Variants in STPG2 observed in about 807,000 individuals in gnomAD.
The protein encoded by STPG2 is sperm-tail PG-rich repeat-containing protein 2.
A neutral mutation model predicts 54.2 loss-of-function variants in STPG2; 56 were observed. The observed-to-expected ratio is 1.03, with a 90% confidence interval of 0.83 to 1.29. The LOEUF is 1.29. Among genes scored for constraint, STPG2 ranks in the 50% most tolerant of loss-of-function variants. The pLI, the probability that STPG2 is intolerant of heterozygous loss-of-function variation, is 0.00. For missense variants in STPG2, 596 were observed against 544.9 expected (o/e 1.09, Z -0.93); for synonymous variants, 200 against 181.8 (o/e 1.10, Z -0.81).
intron 8 of STPG2, among the ~76,000 whole-genome samples, chr4:97,942,122 T>A: frequency 6.6e-6 from 1 of 150,384 alleles, no homozygotes; most frequent in Middle Eastern, 3.6e-3. Flanking sequence ...AGATACGTTT[T>A]AAATATATAT....
At chr4:98,018,490 G>A (rs916823764) in intron 5 of STPG2, among the ~76,000 whole-genome samples, 9 of 152,192 alleles carry the variant, frequency 5.9e-5, no homozygotes, top group African/African-American at 2.2e-4. Flanking sequence ...GTGTGCATGT[G>A]TCTTTATAGC....
chr4:97,972,218 A>T (rs1734351061), intron 7 of STPG2, 62 bp downstream of exon 7: 1 of 1,133,496 alleles, frequency 8.8e-7, no homozygotes, highest in Non-Finnish European at 1.2e-6. Context: ...ATGTAATTTC[A>T]AGAGAACCCT....
At chr4:98,002,984 T>C (rs947424449) in intron 5 of STPG2, among the ~76,000 whole-genome samples, 3 of 152,148 alleles carry the variant, frequency 2.0e-5, no homozygotes, top group Non-Finnish European at 4.4e-5. Flanking sequence ...CCAAGGCAGC[T>C]ATATGCAACT....
chr4:98,075,045 G>A (rs1738118972), intron 5 of STPG2, among the ~76,000 whole-genome samples: 2 of 152,178 alleles, frequency 1.3e-5, no homozygotes, highest in South Asian at 4.1e-4. Context: ...ATCAGGGATT[G>A]AGAAATTTTG....
intron 5 of STPG2, among the ~76,000 whole-genome samples, chr4:98,052,092 A>G (rs1737342543): frequency 6.7e-6 from 1 of 150,012 alleles, no homozygotes; most frequent in Non-Finnish European, 1.5e-5. Flanking sequence ...TGTCTCAAAA[A>G]AAAAAAAAAA....
Position 97,704,014 on chromosome 4 carries a change from T to C in STPG2, c.1320+8685A>G, listed in dbSNP as rs1472602006. On this transcript the variant is annotated intron_variant, in intron 10 of 10. Transcript: ENST00000295268. Reference sequence around the variant, plus strand: ...AGGCTGTGAGGCTAGGCTGGTCTTATCCTTTCACATTTTTCTGCCTGCTTT... The same window carrying C: ...AGGCTGTGAGGCTAGGCTGGTCTTACCCTTTCACATTTTTCTGCCTGCTTT... 4.6e-5 allele frequency among the ~76,000 whole-genome samples: 7 copies of C among 152,046 alleles called. No homozygotes were observed. The East Asian group carries it at 1.4e-3, about 29-fold the overall frequency.
chr4:97,724,249 T>G (rs1466172634), intron 9 of STPG2, among the ~76,000 whole-genome samples: 1 of 152,130 alleles, frequency 6.6e-6, no homozygotes, highest in Non-Finnish European at 1.5e-5. Context: ...TTACACACAT[T>G]TATATGAGAT....
chr4:97,514,526 C>T (rs1731035955), intron 4 of STPG2, among the ~76,000 whole-genome samples: 2 of 151,996 alleles, frequency 1.3e-5, no homozygotes, highest in South Asian at 2.1e-4. Flanking sequence ...AAGTAAATTG[C>T]ATTTTATTAG....
chr4:97,660,434 C>T (rs569506868), intron 10 of STPG2, among the ~76,000 whole-genome samples: 3 of 152,290 alleles, frequency 2.0e-5, no homozygotes, highest in East Asian at 1.9e-4. Context: ...CATACAATGA[C>T]TAGAACCAGA....
intron 10 of STPG2, among the ~76,000 whole-genome samples, chr4:97,583,887 C>T (rs1732926672): frequency 6.6e-6 from 1 of 151,760 alleles, no homozygotes; most frequent in Admixed American, 6.6e-5. Flanking sequence ...ACAATTATTA[C>T]TAGACATTAG....
chr4:97,861,168 A>C (rs1729519437), intron 8 of STPG2, among the ~76,000 whole-genome samples: 1 of 152,200 alleles, frequency 6.6e-6, no homozygotes, highest in East Asian at 1.9e-4. Context: ...ATCTGATTTA[A>C]AAATGGGCAA....
At chr4:97,767,541 G>A (rs1435296441) in intron 9 of STPG2, among the ~76,000 whole-genome samples, 1 of 151,994 alleles carries the variant, frequency 6.6e-6, no homozygotes, top group East Asian at 1.9e-4. Flanking sequence ...CAAAGGGAAG[G>A]GAGGAAATAA....
At chr4:97,490,892 A>T (rs575210465) in intron 4 of STPG2, among the ~76,000 whole-genome samples, 2 of 151,714 alleles carry the variant, frequency 1.3e-5, no homozygotes, top group South Asian at 4.1e-4. Flanking sequence ...AACCTATTAA[A>T]AGGCAAGTAA....
intron 9 of STPG2, among the ~76,000 whole-genome samples, chr4:97,762,868 A>T (rs893400358): frequency 2.0e-5 from 3 of 152,192 alleles, no homozygotes; most frequent in African/African-American, 7.2e-5. Context: ...GTTTGCATAA[A>T]TGTCACTATA....
intron 10 of STPG2, among the ~76,000 whole-genome samples, chr4:97,631,496 A>G (rs984970953): frequency 1.3e-5 from 2 of 152,120 alleles, no homozygotes; most frequent in African/African-American, 2.4e-5. Context: ...ATAGCTCTCA[A>G]CTGATACAAA....
intron 9 of STPG2, among the ~76,000 whole-genome samples, chr4:97,826,163 C>G (rs1252619070): frequency 6.6e-6 from 1 of 152,042 alleles, no homozygotes; most frequent in Non-Finnish European, 1.5e-5. Context: ...AGTTTTTCAC[C>G]AAAAGAAAAA....
At chr4:97,665,971 C>T (rs1000105588) in intron 10 of STPG2, among the ~76,000 whole-genome samples, 9 of 152,124 alleles carry the variant, frequency 5.9e-5, no homozygotes, top group African/African-American at 1.9e-4. Context: ...GAAGCAGGCA[C>T]TTACAAGCCT....
At chr4:97,952,896 AT>A (rs1229933995) in intron 7 of STPG2, among the ~76,000 whole-genome samples, 2 of 152,090 alleles carry the variant, frequency 1.3e-5, no homozygotes, top group Non-Finnish European at 2.9e-5. Flanking sequence ...CTACTTGGAG[AT>A]ACTGTAATGC....
intron 10 of STPG2, among the ~76,000 whole-genome samples, chr4:97,694,272 T>C (rs1471131735): frequency 6.6e-6 from 1 of 151,744 alleles, no homozygotes; most frequent in Non-Finnish European, 1.5e-5. Context: ...AGACCATTGG[T>C]GAGATTAATC....
Sources: gnomAD v4.1 joint callset for allele counts (sites outside exome capture counted in the v4.1 genomes callset) on GRCh38, gnomAD v4.1.1 for gene constraint, MANE v1.5 for transcripts, NCBI Gene and HGNC (gene_info 2026-07-23, HGNC 2026-07-21) for gene names.